The following KLHDC10 variants were observed in gnomAD, a reference collection of about 807,000 sequenced individuals.
The protein encoded by KLHDC10 is kelch domain containing 10.
KLHDC10 carries 24 observed loss-of-function variants against 56.1 expected under a neutral mutation model. The observed-to-expected ratio is 0.43, with a 90% CI of 0.31 to 0.60. The LOEUF (loss-of-function observed/expected upper bound fraction) is 0.60. Among genes scored for constraint, KLHDC10 ranks in the 20% least tolerant of loss-of-function variants. KLHDC10 has a pLI of 0.11. For missense variants in KLHDC10, 349 were observed against 567.0 expected, an observed-to-expected ratio of 0.62 and a Z score of 3.91; for synonymous variants, 188 against 207.1, an observed-to-expected ratio of 0.91 and a Z score of 0.79.
At chr7:130,089,557 C>A (rs907285838) in intron 1 of KLHDC10, among the ~76,000 whole-genome samples, 1 of 152,182 alleles carries the variant, frequency 6.6e-6, no homozygotes, top group African/African-American at 2.4e-5. Context: ...AAAAGAAAGT[C>A]ATTTACTTAA....
chr7:130,073,293 C>CTTTTTT (rs768140763), intron 1 of KLHDC10, among the ~76,000 whole-genome samples: 1 of 122,956 alleles, frequency 8.1e-6, no homozygotes, highest in Non-Finnish European at 1.7e-5. Context: ...TCCTATTTGT[C>CTTTTTT]TTTTTTTTTT....
intron 1 of KLHDC10, among the ~76,000 whole-genome samples, chr7:130,072,803 C>G (rs1795436194): frequency 6.6e-6 from 1 of 152,014 alleles, no homozygotes; most frequent in East Asian, 1.9e-4. Flanking sequence ...GTCCTCCAGG[C>G]TGGAGTGCAG....
At chr7:130,112,213 T>G (rs2116895420) in intron 2 of KLHDC10, among the ~76,000 whole-genome samples, 1 of 152,326 alleles carries the variant, frequency 6.6e-6, no homozygotes, top group Middle Eastern at 3.4e-3. Flanking sequence ...TCTGTCACAT[T>G]ATCTCAGACA....
rs1267718245 is a variant in KLHDC10, at chr7:130,077,378, A to AC, written c.166+6569_166+6570insC. ...CAAAAAAAAAAAAAAAAAAAAAAAA[A>AC]AAAACAGTATATGTATTTATTGTCA... On this transcript the variant is annotated intron_variant, in intron 1 of 9. Transcript: ENST00000335420. Among the ~76,000 whole-genome samples the AC allele has an allele frequency of 7.4e-5, 11 of 149,100 alleles. No individual in the cohort carries two copies. In the South Asian group the frequency reaches 1.1e-3, roughly 14 times the overall value.
At chr7:130,123,471 GA>G (rs11332293) in intron 5 of KLHDC10, among the ~76,000 whole-genome samples, 19,122 of 120,090 alleles carry the variant, frequency 0.16, 1,333 homozygotes, top group East Asian at 0.33. Flanking sequence ...CTCCGTCTCA[GA>G]AAAAAAAAAA....
chr7:130,124,002 A>G (rs1301184546), intron 5 of KLHDC10, among the ~76,000 whole-genome samples: 1 of 152,202 alleles, frequency 6.6e-6, no homozygotes, highest in African/African-American at 2.4e-5. Context: ...ACTTTTTAAA[A>G]CTATGTAATA....
At chr7:130,127,531 C>T in intron 8 of KLHDC10, 80 bp downstream of exon 8, 18 of 979,334 alleles carry the variant, frequency 1.8e-5, no homozygotes, top group Non-Finnish European at 2.9e-5. Context: ...AGATAGCCCC[C>T]TCAAAAGAGG....
chr7:130,088,040 T>A (rs1174717368), intron 1 of KLHDC10, among the ~76,000 whole-genome samples: 1 of 151,704 alleles, frequency 6.6e-6, no homozygotes, highest in Non-Finnish European at 1.5e-5. Flanking sequence ...GAATTACAGG[T>A]GTGAGCCACT....
intron 1 of KLHDC10, among the ~76,000 whole-genome samples, chr7:130,090,345 T>G (rs1322582419): frequency 6.6e-6 from 1 of 152,066 alleles, no homozygotes; most frequent in African/African-American, 2.4e-5. Context: ...TCCCACCACT[T>G]GGGAGACCGA....
At chr7:130,089,904 G>A (rs1344266212) in intron 1 of KLHDC10, among the ~76,000 whole-genome samples, 1 of 149,712 alleles carries the variant, frequency 6.7e-6, no homozygotes, top group Non-Finnish European at 1.5e-5. Context: ...TTTTTGAGAT[G>A]GAGTTTCGCT....
At chr7:130,103,269 C>CA (rs529854543) in intron 2 of KLHDC10, among the ~76,000 whole-genome samples, 283 of 151,958 alleles carry the variant, frequency 1.9e-3, no homozygotes, top group African/African-American at 4.7e-3. Context: ...GCTAAAAATA[C>CA]AAAAAAATTA....
Position 130,131,932 on chromosome 7 carries a change from T to C in KLHDC10, c.*1186T>C, listed in dbSNP as rs1370063664. On this transcript the variant is annotated 3_prime_UTR_variant, in exon 10 of 10. Coordinates refer to ENST00000335420, the MANE Select transcript of KLHDC10 (RefSeq NM_014997.4). ...AATTGTCTAGTAATTGGATACAAGGTCTTGGGGGTAAAGCCACAGGTCATC... is the reference window on the plus strand; with the variant it reads ...AATTGTCTAGTAATTGGATACAAGGCCTTGGGGGTAAAGCCACAGGTCATC... The C allele has an allele frequency of 1.3e-5, 2 of 152,146 alleles. No homozygotes were observed. Among genetic ancestry groups the C allele is most frequent in the Non-Finnish European group, 2.9e-5 (2 of 68,028 alleles). 9.4% of individuals were successfully genotyped at this position (152,146 alleles called of 1,614,324 possible). A position where few individuals can be genotyped will look rare whatever the true frequency, so the allele number is the denominator to read the frequency against.
At chr7:130,089,409 A>T (rs977225819) in intron 1 of KLHDC10, among the ~76,000 whole-genome samples, 1 of 152,214 alleles carries the variant, frequency 6.6e-6, no homozygotes, top group African/African-American at 2.4e-5. Context: ...CTTGGGCAAC[A>T]TAGCTAGACC....
At chr7:130,122,949 T>C (rs1427696951) in intron 5 of KLHDC10, among the ~76,000 whole-genome samples, 1 of 152,094 alleles carries the variant, frequency 6.6e-6, no homozygotes, top group East Asian at 1.9e-4. Context: ...TGATGCCCAG[T>C]GAATGTTGAT....
At position 130,120,353 on chromosome 7, in the gene KLHDC10, G is replaced by A. The variant is rs1437972417; in HGVS notation, c.476-396G>A. Among the ~76,000 whole-genome samples, 1 of 152,124 alleles carries A rather than the reference G, an allele frequency of 6.6e-6. No individual in the cohort carries two copies. Among genetic ancestry groups the A allele is most frequent in the Non-Finnish European group, 1.5e-5 (1 of 68,018 alleles). On this transcript the variant is annotated intron_variant, in intron 3 of 9. Transcript: ENST00000335420. This position sits in a 1 kb window ranked among gnomAD's most constrained non-coding sequence, Gnocchi z 5.1. ...AACTATGTGATAGAGCCCATATAGT[G>A]GAATTAGATCTTTTTCTGCAGAACT...
chr7:130,076,466 G>A (rs1021388226), intron 1 of KLHDC10, among the ~76,000 whole-genome samples: 8 of 152,086 alleles, frequency 5.3e-5, no homozygotes, highest in African/African-American at 1.9e-4. Context: ...TAAATGTTTT[G>A]TTGTGAAATT....
At chr7:130,079,676 T>A (rs117125703) in intron 1 of KLHDC10, among the ~76,000 whole-genome samples, 1,981 of 152,248 alleles carry the variant, frequency 0.013, 46 homozygotes, top group East Asian at 0.057. Context: ...TATTTTTGTT[T>A]CCACTTTTAT....
chr7:130,070,666 A>G lies in KLHDC10; in HGVS notation c.23A>G (p.Asp8Gly). The G allele has an allele frequency of 7.6e-7, 1 of 1,312,748 alleles. No individual in the cohort carries two copies. The highest frequency in any genetic ancestry group is 9.8e-7 in the Non-Finnish European group (1 of 1,025,336). The allele number at this position is 1,312,748 out of a possible 1,614,324, so 81.3% of individuals were successfully genotyped here. Residue 8 changes from aspartate (D) to glycine (G), a missense_variant, in exon 1 of 10, where the codon GAC (aspartate) becomes GGC (glycine). Physicochemically the swap from Asp to Gly is moderately conservative, Grantham distance 94. Transcript: ENST00000335420. ...GTCATGTCGGCCGCCCAGGGCTGGGACAGGAACCGCCGGAGGGGAGGAGGC... is the reference window on the plus strand; with the variant it reads ...GTCATGTCGGCCGCCCAGGGCTGGGGCAGGAACCGCCGGAGGGGAGGAGGC... MSAAQGW[D>G]RNRRRGGGAA...
chr7:130,096,990 C>G lies in KLHDC10; in HGVS notation c.236C>G (p.Pro79Arg). The change falls in exon 2 of 10, where the codon CCT (proline) becomes CGT (arginine). Residue 79 changes from proline to arginine, a missense_variant. Coordinates refer to ENST00000335420, the MANE Select transcript of KLHDC10 (RefSeq NM_014997.4). ...CAGTCCTGTCCCATCATAAGGATCC[C>G]TAACAGGTTTTTGAGAGGTGGGTGA... ...FIQSCPIIRIPNRFLRGHRPP... is the reference protein window; with the variant it reads ...FIQSCPIIRIRNRFLRGHRPP... The G allele has an allele frequency of 6.2e-7, 1 of 1,605,586 alleles. No individual in the cohort carries two copies. The highest frequency in any genetic ancestry group is 2.2e-5 in the East Asian group (1 of 44,810).
Sources: allele counts gnomAD v4.1 joint callset (sites outside exome capture counted in the v4.1 genomes callset), GRCh38; gene constraint gnomAD v4.1.1; non-coding constraint Gnocchi (gnomAD v3.1); transcripts MANE v1.5; gene names NCBI Gene and HGNC (gene_info 2026-07-23, HGNC 2026-07-21).